Variants in PRSS53 observed in about 807,000 individuals in gnomAD.
PRSS53 encodes the protein serine protease 53.
A neutral mutation model predicts 62.7 loss-of-function variants in PRSS53; 54 were observed. That is an observed-to-expected ratio of 0.86 (90% CI 0.69 to 1.08). The LOEUF is 1.08. Among genes scored for constraint, PRSS53 ranks in the 50% least tolerant of loss-of-function variants. PRSS53 has a pLI of 0.00. For missense variants in PRSS53, 688 were observed against 728.3 expected, an observed-to-expected ratio of 0.94 and a Z score of 0.64; for synonymous variants, 273 against 300.0, an observed-to-expected ratio of 0.91 and a Z score of 0.93.
At chr16:31,085,649 T>C (rs1445004706) in intron 6 of PRSS53, among the ~76,000 whole-genome samples, 1 of 152,208 alleles carries the variant, frequency 6.6e-6, no homozygotes, top group Non-Finnish European at 1.5e-5. Flanking sequence ...TCAATTTGCA[T>C]GCCAGTCACT....
intron 2 of PRSS53, 21 bp from the exon 3 acceptor site, chr16:31,087,720 C>T (rs1205152883): frequency 6.2e-7 from 1 of 1,613,810 alleles, no homozygotes; most frequent in Non-Finnish European, 8.5e-7. Flanking sequence ...GAGTTAGTCA[C>T]ACTGACAGCA....
exon 4 of PRSS53, chr16:31,086,782 T>C (rs2057238947): frequency 1.2e-6 from 2 of 1,613,330 alleles, no homozygotes; most frequent in East Asian, 2.2e-5. Context: ...GTAGTGGTTA[T>C]AGGCCCTGGG....
exon 10 of PRSS53, chr16:31,084,234 C>T (rs775174615): frequency 2.1e-5 from 34 of 1,611,872 alleles, no homozygotes; most frequent in Non-Finnish European, 2.8e-5. Context: ...CGGTGAAGAC[C>T]GCCGGCCTGG....
chr16:31,084,717 G>C lies in PRSS53; in HGVS notation c.1280-14C>G. The C allele has an allele frequency of 5.0e-6, 8 of 1,606,594 alleles. No homozygotes were observed. The highest frequency in any genetic ancestry group is 6.8e-6 in the Non-Finnish European group (8 of 1,175,302). On this transcript the variant is annotated splice_polypyrimidine_tract_variant and intron_variant, in intron 8 of 10. Transcript: ENST00000280606. ...GGGAGCTGATGCCTGTGGAGCAAGG[G>C]AAAGCTGGCTGCCCCGGCCTGCAGG...
intron 1 of PRSS53, 157 bp from the exon 2 acceptor site, chr16:31,087,983 G>A (rs917995269): frequency 1.3e-5 from 20 of 1,524,328 alleles, no homozygotes; most frequent in East Asian, 9.8e-5. Context: ...ATATGAGGCC[G>A]AGACAGCTTT....
At position 31,086,093 on chromosome 16, in the gene PRSS53, C is replaced by T. The variant is rs555483387; in HGVS notation, c.754G>A (p.Glu252Lys). ...TTGGTCAGCAGCACAGGAGCGTCCT[C>T]CTGGGCACAGCTTGATGCAAAGCTG... is the stretch of plus-strand genomic sequence containing the variant. The change falls in exon 6 of 11, where the codon GAG becomes AAG. Residue 252 changes from glutamate to lysine, a missense_variant. Transcript: ENST00000280606. The T allele has an allele frequency of 3.1e-6, 5 of 1,613,814 alleles. No homozygotes were observed. In the South Asian group the frequency reaches 5.5e-5, roughly 18 times the overall value.
chr16:31,088,684 T>A (rs1052930901), intron 1 of PRSS53, 68 bp downstream of exon 1: 11 of 1,603,358 alleles, frequency 6.9e-6, no homozygotes, highest in Non-Finnish European at 8.5e-6. Flanking sequence ...AAGCAGGGAC[T>A]GCTGGGGCAG....
exon 11 of PRSS53, chr16:31,083,615 C>G: frequency 6.7e-7 from 1 of 1,500,024 alleles, no homozygotes; most frequent in Non-Finnish European, 8.9e-7. Context: ...ACACCCCTGT[C>G]CTGCAGGGTG....
Position 31,086,008 on chromosome 16 carries a change from T to C in PRSS53, c.839A>G (p.Gln280Arg), listed in dbSNP as rs375594360. The C allele has an allele frequency of 9.9e-5, 160 of 1,613,978 alleles. 1 individual carries two copies. Among genetic ancestry groups the C allele is most frequent in the African/African-American group, 4.0e-5 (3 of 74,928 alleles). Residue 280 changes from glutamine (Q) to arginine (R), a missense_variant, in exon 6 of 11, where the codon CAG (glutamine) becomes CGG (arginine). Gln to Arg is a conservative substitution (Grantham distance 43, BLOSUM62 1). Coordinates refer to ENST00000280606, the Ensembl canonical transcript of PRSS53. ...ACTCATCTCCGGGGTCTCTGGGCTCTGGGCCAGGAAAGCTGCCCCCTGAAC... is the reference window on the plus strand; with the variant it reads ...ACTCATCTCCGGGGTCTCTGGGCTCCGGGCCAGGAAAGCTGCCCCCTGAAC...
chr16:31,087,261 G>T (rs6565218), intron 3 of PRSS53: 544,945 of 547,660 alleles, frequency 1, 271,178 homozygotes, highest in East Asian at 1. Flanking sequence ...CCTCCCAAAG[G>T]GCTGGGATTA....
exon 7 of PRSS53, chr16:31,085,146 T>A: frequency 1.2e-6 from 2 of 1,612,196 alleles, no homozygotes; most frequent in Non-Finnish European, 1.7e-6. Flanking sequence ...CACCGCCTCC[T>A]CTGACACCAG....
At chr16:31,086,245 G>A in intron 5 of PRSS53, 62 bp from the exon 6 acceptor site, 19 of 1,589,180 alleles carry the variant, frequency 1.2e-5, no homozygotes, top group Non-Finnish European at 1.6e-5. Context: ...GACACCCTCT[G>A]ATTGCAGGTC....
chr16:31,087,641 G>A (rs773593392), exon 3 of PRSS53: 40 of 1,610,430 alleles, frequency 2.5e-5, no homozygotes, highest in African/African-American at 1.5e-4. Context: ...AGGGCCACTC[G>A]CCAGGGACTG....
rs917157152 is a variant in PRSS53 at position 31,087,148 on chromosome 16, C to A, written c.243-250G>T. The A allele has an allele frequency of 1.6e-4, 85 of 540,476 alleles. 1 individual carries two copies. The highest frequency in any genetic ancestry group is 6.2e-4 in the South Asian group (24 of 38,926). 33.5% of individuals were successfully genotyped at this position (540,476 alleles called of 1,614,324 possible). On this transcript the variant is annotated intron_variant, in intron 3 of 10. Transcript: ENST00000280606. ...GAGTAGCTGGGACTACAGGCGTGCA[C>A]CACCATGCCTGGCTAATTTTACAGT...
intron 3 of PRSS53, chr16:31,087,326 C>G (rs905494279): frequency 1.7e-6 from 1 of 596,820 alleles, no homozygotes; most frequent in African/African-American, 1.9e-5. Context: ...GAGGTCATTC[C>G]CTTGCAACCT....
chr16:31,088,075 T>C, intron 1 of PRSS53: 1 of 1,409,690 alleles, frequency 7.1e-7, no homozygotes, highest in Non-Finnish European at 9.2e-7. Context: ...GGGGTTCAGC[T>C]TGGGAGTAGG....
At position 31,087,793 on chromosome 16, in the gene PRSS53, C is replaced by T. The variant is rs375705038; in HGVS notation, c.79+13G>A. 1.2e-4 allele frequency: 197 copies of T among 1,614,056 alleles called. No individual in the cohort carries two copies. In the African/African-American group the frequency reaches 2.2e-3, roughly 18 times the overall value. On this transcript the variant is annotated intron_variant, in intron 2 of 10. Transcript: ENST00000280606. ...CCCAAGTAAGACCTAGGCCCCGTGT[C>T]CCCAGACCTTACCACGCTGAGCGGC... is the stretch of plus-strand genomic sequence containing the variant.
At chr16:31,088,030 A>C in intron 1 of PRSS53, 4 of 1,458,436 alleles carry the variant, frequency 2.7e-6, no homozygotes, top group Non-Finnish European at 3.6e-6. Context: ...TCAGTAATTA[A>C]TTCTCCTTCA....
At chr16:31,083,484 C>T (rs971109945) in exon 11 of PRSS53, 2 of 1,326,696 alleles carry the variant, frequency 1.5e-6, no homozygotes, top group Admixed American at 3.7e-5. Context: ...AAAACTGCTG[C>T]CCCCCAAAAA....
Sources: gnomAD v4.1 joint callset for allele counts (sites outside exome capture counted in the v4.1 genomes callset) on GRCh38, gnomAD v4.1.1 for gene constraint, MANE v1.5 for transcripts, NCBI Gene and HGNC (gene_info 2026-07-23, HGNC 2026-07-21) for gene names.